Variants in SLCO3A1 observed in about 807,000 individuals in gnomAD.
SLCO3A1 encodes the protein PGE1 transporter.
A neutral mutation model predicts 63.1 loss-of-function variants in SLCO3A1; 27 were observed. The observed-to-expected ratio is 0.43, with a 90% CI of 0.32 to 0.59. The LOEUF is 0.59. Among genes scored for constraint, SLCO3A1 ranks in the 20% least tolerant of loss-of-function variants. The pLI is 0.09. For synonymous variants in SLCO3A1, 473 were observed against 409.9 expected (o/e 1.15, Z -1.86); for missense variants, 773 against 945.8 (o/e 0.82, Z 2.40).
intron 7 of SLCO3A1, among the ~76,000 whole-genome samples, chr15:92,144,538 T>C (rs2048194752): frequency 6.6e-6 from 1 of 152,232 alleles, no homozygotes; most frequent in South Asian, 2.1e-4. Flanking sequence ...GTAAATGTAA[T>C]TTTCCTTACG....
intron 1 of SLCO3A1, among the ~76,000 whole-genome samples, chr15:91,871,151 T>C (rs764748462): frequency 6.6e-6 from 1 of 152,222 alleles, no homozygotes; most frequent in Non-Finnish European, 1.5e-5. Context: ...ATTTGAAGGC[T>C]ATCTTTTTTC....
chr15:92,035,963 T>C (rs1219275886), intron 2 of SLCO3A1, among the ~76,000 whole-genome samples: 2 of 146,742 alleles, frequency 1.4e-5, no homozygotes, highest in Non-Finnish European at 3.1e-5. Context: ...GTGTAGACTC[T>C]AGTGTCAGCC....
At chr15:92,123,383 G>A (rs992619060) in intron 5 of SLCO3A1, among the ~76,000 whole-genome samples, 8 of 152,054 alleles carry the variant, frequency 5.3e-5, no homozygotes, top group African/African-American at 1.9e-4. Context: ...CTCCAGCCTG[G>A]GGGACAAGAG....
At chr15:92,070,014 C>G (rs1263308182) in intron 2 of SLCO3A1, among the ~76,000 whole-genome samples, 1 of 152,242 alleles carries the variant, frequency 6.6e-6, no homozygotes, top group Non-Finnish European at 1.5e-5. Context: ...GATGAAGACT[C>G]TATTCTGTTG....
At chr15:92,141,046 G>T (rs1216082166) in intron 7 of SLCO3A1, among the ~76,000 whole-genome samples, 2 of 152,028 alleles carry the variant, frequency 1.3e-5, no homozygotes, top group East Asian at 3.9e-4. Context: ...CTGTCCTCCG[G>T]GTCAACAAAC....
chr15:91,916,188 C>T lies in SLCO3A1; in HGVS notation c.376C>T (p.Pro126Ser). 2 of 1,596,788 alleles carry T rather than the reference C, an allele frequency of 1.3e-6. No individual in the cohort carries two copies. The highest frequency in any genetic ancestry group is 1.7e-6 in the Non-Finnish European group (2 of 1,174,308). The change falls in exon 2 of 10, where the codon CCC (proline) becomes TCC (serine). Residue 126 changes from proline to serine, a missense_variant. Pro to Ser is a moderately conservative substitution (Grantham distance 74). Coordinates refer to ENST00000318445, the MANE Select transcript of SLCO3A1 (RefSeq NM_013272.4). The surrounding 1 kb of genome is among the most constrained non-coding windows in gnomAD (Gnocchi z 6.2). Reference protein sequence around the residue: ...MALGALLSALPEFLTHQYKYE... With the variant: ...MALGALLSALSEFLTHQYKYE... ...GCTGGGCGCGCTGCTGTCGGCGCTG[C>T]CCGAGTTCCTGACCCACCAGTACAA...
chr15:91,918,798 C>T (rs1898745315), intron 2 of SLCO3A1, among the ~76,000 whole-genome samples: 1 of 152,152 alleles, frequency 6.6e-6, no homozygotes. Context: ...CCTCTTAACT[C>T]CCTGAAGAGG....
chr15:91,907,775 C>G (rs1047089302), intron 1 of SLCO3A1, among the ~76,000 whole-genome samples: 1 of 152,210 alleles, frequency 6.6e-6, no homozygotes, highest in African/African-American at 2.4e-5. Flanking sequence ...ATCCACCCGT[C>G]TCGGCCTCCC....
At chr15:92,072,337 T>C (rs2047226843) in intron 2 of SLCO3A1, among the ~76,000 whole-genome samples, 1 of 152,152 alleles carries the variant, frequency 6.6e-6, no homozygotes, top group Non-Finnish European at 1.5e-5. Flanking sequence ...TGGTTGTTGT[T>C]GTCGGCTCAT....
intron 2 of SLCO3A1, among the ~76,000 whole-genome samples, chr15:92,065,450 A>G (rs61703755): frequency 0.18 from 27,805 of 152,140 alleles, 2,907 homozygotes; most frequent in African/African-American, 0.3. Context: ...TGTACCCTAT[A>G]AATGTGTACA....
At chr15:91,888,012 A>C (rs1368881273) in intron 1 of SLCO3A1, among the ~76,000 whole-genome samples, 1 of 152,182 alleles carries the variant, frequency 6.6e-6, no homozygotes, top group Non-Finnish European at 1.5e-5. Context: ...AAACCCCATG[A>C]TGTGCTGCTT....
At chr15:92,062,683 C>T (rs553870312) in intron 2 of SLCO3A1, among the ~76,000 whole-genome samples, 2 of 152,304 alleles carry the variant, frequency 1.3e-5, no homozygotes, top group African/African-American at 4.8e-5. Context: ...AGATCCAGAG[C>T]TGTGGTCCAG....
At chr15:92,081,548 G>T (rs563511835) in intron 2 of SLCO3A1, among the ~76,000 whole-genome samples, 1 of 152,132 alleles carries the variant, frequency 6.6e-6, no homozygotes, top group East Asian at 1.9e-4. Flanking sequence ...TATATTTTTA[G>T]TAGAGATAAG....
At chr15:92,016,086 C>T (rs551106950) in intron 2 of SLCO3A1, among the ~76,000 whole-genome samples, 2 of 151,886 alleles carry the variant, frequency 1.3e-5, no homozygotes, top group South Asian at 4.2e-4. Flanking sequence ...TTTATCAAAC[C>T]CCAAGAAGAG....
At chr15:91,901,051 TTA>T (rs1457246116) in intron 1 of SLCO3A1, among the ~76,000 whole-genome samples, 1 of 152,246 alleles carries the variant, frequency 6.6e-6, no homozygotes, top group African/African-American at 2.4e-5. Flanking sequence ...GTGATTTGTT[TTA>T]TGTCTCATCT....
At chr15:92,008,081 T>C (rs2046331299) in intron 2 of SLCO3A1, among the ~76,000 whole-genome samples, 1 of 152,194 alleles carries the variant, frequency 6.6e-6, no homozygotes, top group Admixed American at 6.5e-5. Flanking sequence ...GTGCCATTGC[T>C]TGAATGAACT....
At chr15:91,891,077 C>A (rs1204294437) in intron 1 of SLCO3A1, among the ~76,000 whole-genome samples, 1 of 151,000 alleles carries the variant, frequency 6.6e-6, no homozygotes, top group Non-Finnish European at 1.5e-5. Context: ...ATGAGGGAAC[C>A]AGTGAGTTGG....
Position 92,147,139 on chromosome 15 carries a change from C to T in SLCO3A1, c.1668C>T (p.Pro556=). ...TGATCGGTGCCATGGCACAGACACC[C>T]TCAGTCATCATCCTCATCAGGTAAG... ...CSLIGAMAQT[P]SVIILIRTVS... The change falls in exon 8 of 10, where the codon CCC becomes CCT. Residue 556 remains proline, a synonymous_variant. Coordinates refer to ENST00000318445, the MANE Select transcript of SLCO3A1 (RefSeq NM_013272.4). The T allele has an allele frequency of 1.9e-6, 3 of 1,612,534 alleles. No individual in the cohort carries two copies. Among genetic ancestry groups the T allele is most frequent in the South Asian group, 1.1e-5 (1 of 91,016 alleles).
Position 92,165,324 on chromosome 15 carries a change from A to T in SLCO3A1, c.*2189A>T, listed in dbSNP as rs913208927. On this transcript the variant is annotated 3_prime_UTR_variant, in exon 10 of 10. Coordinates refer to ENST00000318445, the MANE Select transcript of SLCO3A1 (RefSeq NM_013272.4). ...GGAGATGGTTCTCCAACCACTTCATAAAATATGTATGTTCTGTTGTTCCTA... is the reference window on the plus strand; with the variant it reads ...GGAGATGGTTCTCCAACCACTTCATTAAATATGTATGTTCTGTTGTTCCTA... 5 of 985,174 alleles carry T rather than the reference A, an allele frequency of 5.1e-6. No individual in the cohort carries two copies. The highest frequency in any genetic ancestry group is 6.0e-6 in the Non-Finnish European group (5 of 829,706). 61.0% of individuals were successfully genotyped at this position (985,174 alleles called of 1,614,324 possible).
Sources: gnomAD v4.1 joint callset for allele counts (sites outside exome capture counted in the v4.1 genomes callset) on GRCh38, gnomAD v4.1.1 for gene constraint, Gnocchi (gnomAD v3.1) non-coding constraint, MANE v1.5 for transcripts, NCBI Gene and HGNC (gene_info 2026-07-23, HGNC 2026-07-21) for gene names.